The following AP3S1 variants were observed in gnomAD, a reference collection of about 807,000 sequenced individuals.
The protein encoded by AP3S1 is AP-3 complex subunit sigma-1.
In AP3S1, 12 loss-of-function variants were observed where a neutral mutation model predicts 21.3. The observed-to-expected ratio is 0.56, with a 90% CI of 0.36 to 0.91. The LOEUF is 0.91. Ranked by LOEUF, AP3S1 falls within the 40% of genes least tolerant of loss-of-function variation. AP3S1 has a pLI of 0.01. For synonymous variants in AP3S1, 48 were observed against 78.4 expected (o/e 0.61, Z 2.05); for missense variants, 116 against 225.0 (o/e 0.52, Z 3.10).
chr5:115,865,735 C>G (rs1195949803), intron 1 of AP3S1, among the ~76,000 whole-genome samples: 1 of 152,156 alleles, frequency 6.6e-6, no homozygotes, highest in Non-Finnish European at 1.5e-5. Flanking sequence ...CATTCACATC[C>G]TTTCCTGTGA....
intron 3 of AP3S1, among the ~76,000 whole-genome samples, chr5:115,877,521 G>A (rs1212182671): frequency 2.6e-5 from 4 of 152,194 alleles, no homozygotes; most frequent in Non-Finnish European, 5.9e-5. Flanking sequence ...TCCCTGCAAA[G>A]GACAGGAACT....
chr5:115,903,965 C>G (rs1462017579), intron 5 of AP3S1: 2 of 151,846 alleles, frequency 1.3e-5, no homozygotes, highest in East Asian at 3.9e-4. Context: ...ACCTGTAATC[C>G]CAGCTACTCG....
chr5:115,884,570 G>A (rs1393372058), intron 3 of AP3S1, among the ~76,000 whole-genome samples: 2 of 152,116 alleles, frequency 1.3e-5, no homozygotes, highest in Non-Finnish European at 2.9e-5. Flanking sequence ...GTGAGACTTC[G>A]TCTCCAACAA....
At chr5:115,853,778 C>T (rs573004456) in intron 1 of AP3S1, among the ~76,000 whole-genome samples, 5 of 152,134 alleles carry the variant, frequency 3.3e-5, no homozygotes, top group African/African-American at 1.2e-4. Context: ...TTATCTTGTT[C>T]TTGGAGTTCT....
intron 1 of AP3S1, among the ~76,000 whole-genome samples, chr5:115,861,406 A>G (rs921775600): frequency 1.2e-4 from 18 of 152,216 alleles, no homozygotes; most frequent in African/African-American, 3.9e-4. Context: ...CATGGTAGGG[A>G]GTTTGTATTT....
intron 3 of AP3S1, among the ~76,000 whole-genome samples, chr5:115,876,370 TTC>T (rs1470010501): frequency 2.0e-4 from 30 of 152,292 alleles, no homozygotes; most frequent in Non-Finnish European, 3.1e-4. Flanking sequence ...ATTTATTTTC[TTC>T]CCTTCAATGT....
intron 1 of AP3S1, among the ~76,000 whole-genome samples, chr5:115,842,323 G>C (rs1207258781): frequency 6.6e-6 from 1 of 152,166 alleles, no homozygotes; most frequent in Non-Finnish European, 1.5e-5. Flanking sequence ...TTGCCCGGGC[G>C]GTTCCTCCGC....
chr5:115,849,951 CCTCT>C (rs964306526), intron 1 of AP3S1, among the ~76,000 whole-genome samples: 6 of 152,082 alleles, frequency 3.9e-5, no homozygotes, highest in Admixed American at 2.0e-4. Context: ...TTCTGTATAG[CCTCT>C]CTATCAATGA....
rs551356012 is a variant in AP3S1, at chr5:115,874,811, A to G, written c.273+4683A>G. ...ATGCTTGTTTCAACATGTTGCCTAC[A>G]GACAAGAGGTTGTTAGAAAGACCTG... is the stretch of plus-strand genomic sequence containing the variant. On this transcript the variant is annotated intron_variant, in intron 3 of 5. Transcript: ENST00000316788. 1.2e-4 allele frequency among the ~76,000 whole-genome samples: 18 copies of G among 151,886 alleles called. No homozygotes were observed. The South Asian group carries it at 3.8e-3, about 32-fold the overall frequency.
At chr5:115,891,711 A>G (rs1056129351) in intron 3 of AP3S1, among the ~76,000 whole-genome samples, 1 of 152,176 alleles carries the variant, frequency 6.6e-6, no homozygotes, top group East Asian at 1.9e-4. Context: ...GAAGAGGGCC[A>G]TGATCCTCCA....
intron 3 of AP3S1, 45 bp downstream of exon 3, chr5:115,870,173 A>C (rs1419836816): frequency 8.0e-7 from 1 of 1,254,676 alleles, no homozygotes; most frequent in Non-Finnish European, 1.1e-6. Flanking sequence ...ACAGTTTGAC[A>C]TTTAAATTTT....
At chr5:115,890,797 G>GT (rs146072502) in intron 3 of AP3S1, among the ~76,000 whole-genome samples, 28,426 of 152,074 alleles carry the variant, frequency 0.19, 2,898 homozygotes, top group Non-Finnish European at 0.2. Context: ...AACTTGAGTT[G>GT]TTTCCGGAGC....
At chr5:115,861,196 A>G (rs1267711174) in intron 1 of AP3S1, among the ~76,000 whole-genome samples, 1 of 152,228 alleles carries the variant, frequency 6.6e-6, no homozygotes, top group African/African-American at 2.4e-5. Flanking sequence ...CATAGAAGTC[A>G]TAATGTTCTA....
At chr5:115,900,062 A>G (rs1561522570) in intron 4 of AP3S1, among the ~76,000 whole-genome samples, 1 of 152,158 alleles carries the variant, frequency 6.6e-6, no homozygotes, top group African/African-American at 2.4e-5. Flanking sequence ...ATTGGGAGAA[A>G]AGAGAAAGTA....
chr5:115,844,948 TCTAA>T (rs1030015046), intron 1 of AP3S1, among the ~76,000 whole-genome samples: 9 of 151,258 alleles, frequency 6.0e-5, no homozygotes, highest in Non-Finnish European at 8.8e-5. Context: ...TAGAAAACTC[TCTAA>T]CTCTTTGCTA....
chr5:115,862,575 A>G (rs1373618656), intron 1 of AP3S1, among the ~76,000 whole-genome samples: 1 of 152,238 alleles, frequency 6.6e-6, no homozygotes, highest in Non-Finnish European at 1.5e-5. Flanking sequence ...AATTAACTGT[A>G]GTTTGTACTG....
intron 3 of AP3S1, among the ~76,000 whole-genome samples, chr5:115,880,053 T>C (rs956397738): frequency 1.3e-5 from 2 of 152,210 alleles, no homozygotes; most frequent in African/African-American, 4.8e-5. Context: ...AGTAGTGATA[T>C]CCCCTGTATA....
intron 3 of AP3S1, among the ~76,000 whole-genome samples, chr5:115,876,833 C>T (rs550657783): frequency 6.6e-6 from 1 of 152,196 alleles, no homozygotes; most frequent in South Asian, 2.1e-4. Flanking sequence ...GGCAAGAATA[C>T]CACAGAAATA....
intron 1 of AP3S1, among the ~76,000 whole-genome samples, chr5:115,854,314 C>A (rs1182994514): frequency 1.3e-5 from 2 of 152,158 alleles, no homozygotes; most frequent in Non-Finnish European, 2.9e-5. Context: ...GTTAATTATA[C>A]CTGCCATTTA....
Sources: gnomAD v4.1 joint callset for allele counts (sites outside exome capture counted in the v4.1 genomes callset) on GRCh38, gnomAD v4.1.1 for gene constraint, MANE v1.5 for transcripts, NCBI Gene and HGNC (gene_info 2026-07-23, HGNC 2026-07-21) for gene names.